Variants in RTN4R observed in about 807,000 individuals in gnomAD.
RTN4R encodes reticulon 4 receptor, also known as reticulon-4 receptor.
A neutral mutation model predicts 27.7 loss-of-function variants in RTN4R; 4 were observed. The observed-to-expected ratio is 0.14, with a 90% confidence interval of 0.07 to 0.33. RTN4R has a LOEUF of 0.33. RTN4R is among the 10% of genes least tolerant of loss of function. The pLI, the probability that RTN4R is intolerant of heterozygous loss-of-function variation, is 1.00. For missense variants in RTN4R, 554 were observed against 671.5 expected (o/e 0.83, Z 1.93); for synonymous variants, 290 against 305.6 (o/e 0.95, Z 0.53).
At chr22:20,243,503 A>G in intron 1 of RTN4R, 2 of 500,584 alleles carry the variant, frequency 4.0e-6, no homozygotes, top group South Asian at 3.1e-5. Flanking sequence ...GGGGGGTCCC[A>G]GTGGGGGTTC....
At chr22:20,246,126 A>AC (rs1458059555) in intron 1 of RTN4R, among the ~76,000 whole-genome samples, 1 of 152,208 alleles carries the variant, frequency 6.6e-6, no homozygotes, top group African/African-American at 2.4e-5. Flanking sequence ...GGGCTGGGTC[A>AC]TAGCTAGGAG....
intron 1 of RTN4R, among the ~76,000 whole-genome samples, chr22:20,262,551 G>A (rs2051254031): frequency 3.3e-5 from 5 of 152,218 alleles, no homozygotes; most frequent in Admixed American, 3.3e-4. Flanking sequence ...CCTGCTGTGT[G>A]CAGGGGCTGC....
At chr22:20,251,843 T>A (rs1293445998) in intron 1 of RTN4R, among the ~76,000 whole-genome samples, 1 of 134,152 alleles carries the variant, frequency 7.5e-6, no homozygotes, top group Non-Finnish European at 1.6e-5. Context: ...ATCATCACCA[T>A]CCTCATCACC....
intron 1 of RTN4R, among the ~76,000 whole-genome samples, chr22:20,264,497 T>C (rs761368066): frequency 6.6e-6 from 1 of 152,184 alleles, no homozygotes; most frequent in Non-Finnish European, 1.5e-5. Context: ...ATCCTAGAGA[T>C]GCCCGATGCC....
chr22:20,267,947 C>G, intron 1 of RTN4R, 124 bp downstream of exon 1: 1 of 513,002 alleles, frequency 1.9e-6, no homozygotes. Flanking sequence ...GCTTTCCCTG[C>G]CGCCCGGCTA....
chr22:20,246,436 A>G (rs551049438), intron 1 of RTN4R, among the ~76,000 whole-genome samples: 2 of 122,022 alleles, frequency 1.6e-5, no homozygotes, highest in African/African-American at 6.1e-5. Context: ...TGCAGGAGGG[A>G]GTGTGGCGGG....
At chr22:20,259,525 G>A (rs373579713) in intron 1 of RTN4R, among the ~76,000 whole-genome samples, 22 of 152,216 alleles carry the variant, frequency 1.4e-4, no homozygotes, top group South Asian at 6.2e-4. Context: ...AGCTCGCCCC[G>A]CAGTCCACCT....
chr22:20,260,031 C>T (rs1236102245), intron 1 of RTN4R, among the ~76,000 whole-genome samples: 1 of 152,122 alleles, frequency 6.6e-6, no homozygotes, highest in African/African-American at 2.4e-5. Flanking sequence ...GAAACTGCAC[C>T]AAGGATGAGG....
At chr22:20,254,381 A>G (rs1161605614) in intron 1 of RTN4R, among the ~76,000 whole-genome samples, 3 of 151,132 alleles carry the variant, frequency 2.0e-5, no homozygotes, top group Non-Finnish European at 4.4e-5. Flanking sequence ...GTGAGCCATG[A>G]TCATGCCACT....
intron 1 of RTN4R, among the ~76,000 whole-genome samples, chr22:20,251,886 T>TCATCACTATC (rs2051182720): frequency 3.7e-5 from 1 of 26,836 alleles, no homozygotes; most frequent in African/African-American, 1.7e-4. Context: ...TCACTATCAC[T>TCATCACTATC]ATCACCACCA....
At position 20,255,592 on chromosome 22, in the gene RTN4R, C is replaced by A. The variant is rs1232482734; in HGVS notation, c.22+12479G>T. On this transcript the variant is annotated intron_variant, in intron 1 of 1. Coordinates refer to ENST00000043402, the MANE Select transcript of RTN4R (RefSeq NM_023004.6). The surrounding 1 kb of genome is among the most constrained non-coding windows in gnomAD (Gnocchi z 4.8). ...CAACTCTGTGCTTGGGCCTTCCCTG[C>A]AGGCCAGGCAGCTGCTTCCCTGAAC... 6.6e-6 allele frequency among the ~76,000 whole-genome samples: 1 copy of A among 152,258 alleles called. No homozygotes were observed. Among genetic ancestry groups the A allele is most frequent in the Non-Finnish European group, 1.5e-5 (1 of 68,038 alleles).
At chr22:20,260,872 T>C (rs1386924860) in intron 1 of RTN4R, among the ~76,000 whole-genome samples, 1 of 152,106 alleles carries the variant, frequency 6.6e-6, no homozygotes, top group East Asian at 1.9e-4. Flanking sequence ...AACTGCGCCG[T>C]AGGCTCCTCA....
chr22:20,259,669 G>A (rs1173387865), intron 1 of RTN4R, among the ~76,000 whole-genome samples: 1 of 152,174 alleles, frequency 6.6e-6, no homozygotes, highest in Non-Finnish European at 1.5e-5. Flanking sequence ...TCTGTTAGGG[G>A]ACACTGGAGC....
intron 1 of RTN4R, among the ~76,000 whole-genome samples, chr22:20,254,084 C>G (rs573605453): frequency 2.0e-5 from 3 of 152,124 alleles, no homozygotes; most frequent in African/African-American, 7.2e-5. Flanking sequence ...CTTTCAGGCC[C>G]CCAGGGGTCA....
intron 1 of RTN4R, among the ~76,000 whole-genome samples, chr22:20,260,867 C>T (rs1391991091): frequency 1.3e-5 from 2 of 152,140 alleles, no homozygotes; most frequent in South Asian, 2.1e-4. Context: ...ACCCAAACTG[C>T]GCCGTAGGCT....
intron 1 of RTN4R, among the ~76,000 whole-genome samples, chr22:20,264,261 C>T (rs1230949219): frequency 6.6e-6 from 1 of 152,218 alleles, no homozygotes; most frequent in East Asian, 1.9e-4. Context: ...GAAGGGATTC[C>T]ACACACACCA....
In RTN4R at chr22:20,255,877, T is replaced by C. The variant is rs922997707; in HGVS notation, c.22+12194A>G. 6.6e-6 allele frequency among the ~76,000 whole-genome samples: 1 copy of C among 152,236 alleles called. No homozygotes were observed. The highest frequency in any genetic ancestry group is 6.5e-5 in the Admixed American group (1 of 15,288). On this transcript the variant is annotated intron_variant, in intron 1 of 1. Transcript: ENST00000043402. The surrounding 1 kb of genome is among the most constrained non-coding windows in gnomAD (Gnocchi z 4.8). ...GCACACGGGCTTCTCTCAGCTGCTA[T>C]GAGAGCCCCCAATGCGTCTCCACAA...
In RTN4R at chr22:20,242,905, G is replaced by A; in HGVS notation, c.228C>T (p.Ser76=). 1 of 1,612,238 alleles carries A rather than the reference G, an allele frequency of 6.2e-7. No individual in the cohort carries two copies. Among genetic ancestry groups the A allele is most frequent in the Non-Finnish European group, 8.5e-7 (1 of 1,179,564 alleles). Residue 76 remains serine (S), a synonymous_variant, in exon 2 of 2, where the codon AGC becomes AGT. Transcript: ENST00000043402. ...TGGTGAGGTTGCGGCAGGCACGGAA[G>A]CTGGCAGCTGGCACATGCGAGATGC... The part of the protein sequence containing the change: ...GNRISHVPAA[S]FRACRNLTIL...
chr22:20,241,967 C>A lies in RTN4R; in HGVS notation c.1166G>T (p.Gly389Val). ...INDSPFGTLP[G>V]SAEPPLTAVR... ...TGCAGTGAGCGGGGGCTCAGCAGAG[C>A]CAGGCAGAGTCCCAAAGGGTGAGTC... The change falls in exon 2 of 2, where the codon GGC (glycine) becomes GTC (valine). Residue 389 changes from glycine (G) to valine (V), a missense_variant. Gly to Val is a moderately radical substitution (Grantham distance 109). Coordinates refer to ENST00000043402, the MANE Select transcript of RTN4R (RefSeq NM_023004.6). 6.2e-7 allele frequency: 1 copy of A among 1,609,466 alleles called. No individual in the cohort carries two copies. Among genetic ancestry groups the A allele is most frequent in the Non-Finnish European group, 8.5e-7 (1 of 1,179,818 alleles).
Sources: allele counts gnomAD v4.1 joint callset (sites outside exome capture counted in the v4.1 genomes callset), GRCh38; gene constraint gnomAD v4.1.1; non-coding constraint Gnocchi (gnomAD v3.1); transcripts MANE v1.5; gene names NCBI Gene and HGNC (gene_info 2026-07-23, HGNC 2026-07-21).